Variants in STK3 observed in about 807,000 individuals in gnomAD.
STK3 encodes the protein serine/threonine-protein kinase 3.
In STK3, 41 loss-of-function variants were observed where a neutral mutation model predicts 58.0. The observed-to-expected ratio is 0.71, with a 90% CI of 0.55 to 0.92. The LOEUF (loss-of-function observed/expected upper bound fraction) is 0.92. Ranked by LOEUF, STK3 falls within the 40% of genes least tolerant of loss-of-function variation. The pLI is 0.00. For missense variants in STK3, 479 were observed against 602.7 expected, an observed-to-expected ratio of 0.79 and a Z score of 2.15; for synonymous variants, 170 against 191.0, an observed-to-expected ratio of 0.89 and a Z score of 0.91.
chr8:98,849,544 C>T (rs1017588852), intron 3 of STK3, among the ~76,000 whole-genome samples: 2 of 152,182 alleles, frequency 1.3e-5, no homozygotes, highest in Non-Finnish European at 2.9e-5. Flanking sequence ...TCTCACATAA[C>T]TGAGAAGTTT....
chr8:98,656,567 A>T (rs993032407), intron 6 of STK3, among the ~76,000 whole-genome samples: 1 of 152,254 alleles, frequency 6.6e-6, no homozygotes, highest in East Asian at 1.9e-4. Context: ...TTTTTTCAGC[A>T]TCCATTATCA....
At chr8:98,668,611 T>C (rs1227433895) in intron 6 of STK3, among the ~76,000 whole-genome samples, 1 of 152,162 alleles carries the variant, frequency 6.6e-6, no homozygotes, top group Non-Finnish European at 1.5e-5. Flanking sequence ...TACAAAATCT[T>C]TTTTCAGATT....
chr8:98,395,488 A>T (rs1817889536), intron 3 of STK3, among the ~76,000 whole-genome samples: 1 of 152,228 alleles, frequency 6.6e-6, no homozygotes, highest in Non-Finnish European at 1.5e-5. Context: ...ACTAAATAAT[A>T]TTGCACCTAT....
intron 10 of STK3, among the ~76,000 whole-genome samples, chr8:98,484,233 C>T (rs1232652569): frequency 6.6e-6 from 1 of 151,722 alleles, no homozygotes. Context: ...TTCTTTCCTA[C>T]AAAAATCAGG....
intron 3 of STK3, among the ~76,000 whole-genome samples, chr8:98,395,862 A>G (rs1373388121): frequency 6.6e-6 from 1 of 152,236 alleles, no homozygotes; most frequent in East Asian, 1.9e-4. Flanking sequence ...AACAGGACAG[A>G]ATGAAACAGA....
intron 3 of STK3, among the ~76,000 whole-genome samples, chr8:98,834,754 C>A (rs757942465): frequency 2.4e-4 from 36 of 152,254 alleles, no homozygotes; most frequent in Admixed American, 5.2e-4. Context: ...GATGCCATCA[C>A]CTTCAGGGGT....
In STK3 at chr8:98,831,983, A is replaced by C. The variant is rs143634114; in HGVS notation, c.110+51664T>G. Among the ~76,000 whole-genome samples the C allele has an allele frequency of 8.7e-3, 1,322 of 152,296 alleles. 12 individuals carry two copies. Among genetic ancestry groups the C allele is most frequent in the African/African-American group, 0.03 (1,245 of 41,564 alleles). ...TCAAAATGATTTTTAAAACAAGAAG[A>C]CTAGAAGGAGGTGTTTCTAGGTTTG... On this transcript the variant is annotated intron_variant, in intron 3 of 12. Transcript: ENST00000523601.
At chr8:98,736,472 G>C (rs1828606516) in intron 4 of STK3, among the ~76,000 whole-genome samples, 2 of 152,188 alleles carry the variant, frequency 1.3e-5, no homozygotes, top group Non-Finnish European at 2.9e-5. Context: ...AGGAAGAAAG[G>C]AGGTAATACA....
intron 1 of STK3, among the ~76,000 whole-genome samples, chr8:98,938,797 A>C (rs1024217353): frequency 3.3e-5 from 5 of 152,204 alleles, no homozygotes; most frequent in Non-Finnish European, 7.3e-5. Context: ...TGTGTGTGGA[A>C]GGTGTGCAGT....
rs147905561 is a variant in STK3 at position 98,677,260 on chromosome 8, T to C, written c.684+29207A>G. 2.8e-4 allele frequency among the ~76,000 whole-genome samples: 43 copies of C among 152,248 alleles called. No individual in the cohort carries two copies. The East Asian group carries it at 6.8e-3, about 24-fold the overall frequency. ...CTCCTCTGGGTCCTACATCTCATTC[T>C]AAAATCAGACTAAGTCTCCTCATGC... On this transcript the variant is annotated intron_variant, in intron 6 of 10. Coordinates refer to ENST00000419617, the MANE Select transcript of STK3 (RefSeq NM_006281.4).
At chr8:98,625,165 A>T (rs1330292856) in intron 6 of STK3, among the ~76,000 whole-genome samples, 1 of 152,144 alleles carries the variant, frequency 6.6e-6, no homozygotes, top group African/African-American at 2.4e-5. Context: ...CCTTGTCATT[A>T]GCTAGCAGTG....
intron 1 of STK3, among the ~76,000 whole-genome samples, chr8:98,923,382 C>G (rs1013846027): frequency 2.7e-4 from 41 of 152,218 alleles, no homozygotes; most frequent in Admixed American, 2.4e-3. Context: ...GTATTGTTTG[C>G]TTTTTAGAGT....
At chr8:98,462,000 T>C (rs765761363) in intron 10 of STK3, among the ~76,000 whole-genome samples, 10 of 152,008 alleles carry the variant, frequency 6.6e-5, no homozygotes, top group Admixed American at 4.6e-4. Flanking sequence ...GTACCTGAAA[T>C]GTTTTGATAC....
intron 1 of STK3, among the ~76,000 whole-genome samples, chr8:98,888,690 T>C (rs935453196): frequency 6.6e-6 from 1 of 152,202 alleles, no homozygotes; most frequent in Non-Finnish European, 1.5e-5. Flanking sequence ...GTAATTTTCT[T>C]TATTGAGAAG....
At chr8:98,515,000 C>A (rs777599637) in intron 10 of STK3, among the ~76,000 whole-genome samples, 3 of 152,042 alleles carry the variant, frequency 2.0e-5, no homozygotes, top group Non-Finnish European at 4.4e-5. Flanking sequence ...TCACCCTAAT[C>A]CTCTATATAA....
At chr8:98,875,901 C>A (rs1039404586) in intron 3 of STK3, among the ~76,000 whole-genome samples, 2 of 152,166 alleles carry the variant, frequency 1.3e-5, no homozygotes, top group Admixed American at 6.5e-5. Context: ...ATGTGGTACC[C>A]AGGAAATGGT....
intron 4 of STK3, among the ~76,000 whole-genome samples, chr8:98,743,912 T>C (rs925898290): frequency 6.6e-6 from 1 of 152,074 alleles, no homozygotes; most frequent in Non-Finnish European, 1.5e-5. Context: ...CCATCAAAAG[T>C]GGGCGAAGGA....
chr8:98,802,256 T>G (rs1335962460), intron 1 of STK3, among the ~76,000 whole-genome samples: 1 of 152,174 alleles, frequency 6.6e-6, no homozygotes, highest in East Asian at 1.9e-4. Context: ...TGAGGGGAGG[T>G]GAAGATTCTG....
chr8:98,669,630 A>G (rs12549803), intron 6 of STK3, among the ~76,000 whole-genome samples: 36,573 of 152,098 alleles, frequency 0.24, 5,346 homozygotes, highest in East Asian at 0.43. Context: ...AGGGTGCTTC[A>G]TACAGATCGT....
Sources: allele counts gnomAD v4.1 joint callset (sites outside exome capture counted in the v4.1 genomes callset), GRCh38; gene constraint gnomAD v4.1.1; transcripts MANE v1.5; gene names NCBI Gene and HGNC (gene_info 2026-07-23, HGNC 2026-07-21).